UNC13C: variants seen among roughly 807,000 people sequenced by gnomAD.
The protein encoded by UNC13C is unc-13 homolog C.
UNC13C carries 174 observed loss-of-function variants against 245.4 expected under a neutral mutation model. The ratio of observed to expected loss-of-function variants is 0.71; its 90% CI spans 0.63 to 0.80. The LOEUF (loss-of-function observed/expected upper bound fraction) is 0.80, where lower values mean the gene tolerates loss of function less well. UNC13C is among the 30% of genes least tolerant of loss of function. The pLI is 0.00. For missense variants in UNC13C, 2,829 were observed against 2,602.9 expected (o/e 1.09, Z -1.89); for synonymous variants, 992 against 895.1 (o/e 1.11, Z -1.93).
At chr15:54,246,943 C>G (rs2036008448) in intron 7 of UNC13C, among the ~76,000 whole-genome samples, 1 of 152,122 alleles carries the variant, frequency 6.6e-6, no homozygotes, top group African/African-American at 2.4e-5. Context: ...AATAGATAAG[C>G]AGCAAGTCAC....
intron 4 of UNC13C, among the ~76,000 whole-genome samples, chr15:54,228,487 A>G (rs569066393): frequency 6.6e-6 from 1 of 152,206 alleles, no homozygotes; most frequent in African/African-American, 2.4e-5. Context: ...CATGTCTCTG[A>G]GTCTCACCCA....
At chr15:54,605,399 G>A in intron 30 of UNC13C, among the ~76,000 whole-genome samples, 1 of 152,094 alleles carries the variant, frequency 6.6e-6, no homozygotes, top group East Asian at 1.9e-4. Flanking sequence ...AGATGCCACT[G>A]GATTTTGTTT....
chr15:54,565,984 A>C (rs1188462318), intron 29 of UNC13C, among the ~76,000 whole-genome samples: 3 of 151,686 alleles, frequency 2.0e-5, no homozygotes, highest in African/African-American at 7.3e-5. Flanking sequence ...TATTATAATC[A>C]TCTATCACTT....
chr15:54,234,471 A>G (rs2035636894), intron 4 of UNC13C, among the ~76,000 whole-genome samples: 2 of 152,178 alleles, frequency 1.3e-5, no homozygotes, highest in South Asian at 4.1e-4. Context: ...TTCTACAACT[A>G]CTTATTTTAA....
At chr15:54,446,631 C>T (rs1567279281) in intron 19 of UNC13C, among the ~76,000 whole-genome samples, 1 of 152,150 alleles carries the variant, frequency 6.6e-6, no homozygotes, top group African/African-American at 2.4e-5. Flanking sequence ...GATTTTTGCA[C>T]TTTGATTTTG....
intron 19 of UNC13C, among the ~76,000 whole-genome samples, chr15:54,473,535 C>G (rs1390266971): frequency 6.6e-6 from 1 of 151,816 alleles, no homozygotes; most frequent in African/African-American, 2.4e-5. Flanking sequence ...CCTCTTATAA[C>G]TATCATTCTA....
At chr15:54,393,431 G>A (rs571551942) in intron 18 of UNC13C, among the ~76,000 whole-genome samples, 149 of 151,800 alleles carry the variant, frequency 9.8e-4, no homozygotes, top group Non-Finnish European at 1.3e-3. Context: ...TTTATGTAAT[G>A]TAAAACTTTT....
intron 2 of UNC13C, among the ~76,000 whole-genome samples, chr15:54,125,881 G>A (rs930097852): frequency 6.3e-4 from 96 of 152,070 alleles, no homozygotes; most frequent in African/African-American, 2.3e-3. Context: ...TGTTTGTATG[G>A]TCTTTTTCCA....
At chr15:54,193,435 T>A (rs1349113682) in intron 4 of UNC13C, among the ~76,000 whole-genome samples, 1 of 152,180 alleles carries the variant, frequency 6.6e-6, no homozygotes, top group East Asian at 1.9e-4. Context: ...TTTATCCTTT[T>A]TATTTTTTGC....
At chr15:53,883,813 T>C in the UNC13C span, among the ~76,000 whole-genome samples, 1 of 152,212 alleles carries the variant, frequency 6.6e-6, no homozygotes, top group Admixed American at 6.5e-5. Context: ...GTGAGTTTTT[T>C]CTTTCAAAAT....
At position 54,433,782 on chromosome 15, in the gene UNC13C, G is replaced by A. The variant is rs377222861; in HGVS notation, c.4933+18715G>A. Among the ~76,000 whole-genome samples, 7 of 152,162 alleles carry A rather than the reference G, an allele frequency of 4.6e-5. 1 individual carries two copies. Among genetic ancestry groups the A allele is most frequent in the East Asian group, 1.9e-4 (1 of 5,176 alleles). ...TGAAGGGTATTCAAATAGGAAGAGAGAAAGTCAAGTTGTCTCTGCTTGCAG... is the reference window on the plus strand; with the variant it reads ...TGAAGGGTATTCAAATAGGAAGAGAAAAAGTCAAGTTGTCTCTGCTTGCAG... On this transcript the variant is annotated intron_variant, in intron 19 of 32. Transcript: ENST00000260323.
chr15:54,608,645 G>A (rs1461731189), intron 30 of UNC13C, among the ~76,000 whole-genome samples: 1 of 152,082 alleles, frequency 6.6e-6, no homozygotes, highest in East Asian at 1.9e-4. Context: ...ATATATTTCA[G>A]ATTCCAGATT....
intron 2 of UNC13C, among the ~76,000 whole-genome samples, chr15:54,038,115 T>C (rs1397543739): frequency 1.5e-5 from 1 of 68,526 alleles, no homozygotes; most frequent in African/African-American, 6.1e-5. Flanking sequence ...TATATATATA[T>C]ATATATATAT....
chr15:54,235,172 A>T, intron 5 of UNC13C, 64 bp downstream of exon 5: 1 of 1,416,538 alleles, frequency 7.1e-7, no homozygotes, highest in Middle Eastern at 1.8e-4. Flanking sequence ...CTAAAATGTA[A>T]TGTCCTTCTC....
chr15:54,115,083 G>C (rs1188817528), intron 2 of UNC13C, among the ~76,000 whole-genome samples: 2 of 151,922 alleles, frequency 1.3e-5, no homozygotes, highest in Admixed American at 6.6e-5. Context: ...AATATATACT[G>C]TTCTTTTATT....
At chr15:54,536,754 G>A (rs775857471) in intron 26 of UNC13C, among the ~76,000 whole-genome samples, 19 of 152,046 alleles carry the variant, frequency 1.2e-4, no homozygotes, top group Non-Finnish European at 2.1e-4. Context: ...AATAGATGCA[G>A]AAAAGGCTTT....
At chr15:54,239,324 A>G (rs527693311) in intron 7 of UNC13C, among the ~76,000 whole-genome samples, 4 of 152,318 alleles carry the variant, frequency 2.6e-5, no homozygotes, top group South Asian at 4.2e-4. Flanking sequence ...CATATCAGTA[A>G]AACAAAACAT....
intron 10 of UNC13C, among the ~76,000 whole-genome samples, chr15:54,267,864 G>C (rs1437974241): frequency 6.6e-6 from 1 of 151,964 alleles, no homozygotes; most frequent in Non-Finnish European, 1.5e-5. Flanking sequence ...TCTGCTGTCT[G>C]TTTGGAGGCT....
chr15:53,866,731 T>C, the UNC13C span, among the ~76,000 whole-genome samples: 1 of 152,160 alleles, frequency 6.6e-6, no homozygotes, highest in Non-Finnish European at 1.5e-5. Context: ...TTGCTAGAAA[T>C]TTACTCATTC....
Sources: allele counts gnomAD v4.1 joint callset (sites outside exome capture counted in the v4.1 genomes callset), GRCh38; gene constraint gnomAD v4.1.1; transcripts MANE v1.5; gene names NCBI Gene and HGNC (gene_info 2026-07-23, HGNC 2026-07-21).